The following SP140L variants were observed in gnomAD, a reference collection of about 807,000 sequenced individuals.
SP140L encodes SP140 like nuclear body protein.
SP140L carries 64 observed loss-of-function variants against 84.3 expected under a neutral mutation model. The observed-to-expected ratio is 0.76, with a 90% CI of 0.62 to 0.94. The LOEUF is 0.94. Ranked by LOEUF, SP140L falls within the 40% of genes least tolerant of loss-of-function variation. The probability of loss-of-function intolerance (pLI) is 0.00; values close to 1 mark genes in which losing one functional copy is unlikely to be tolerated. For synonymous variants in SP140L, 242 were observed against 236.9 expected (o/e 1.02, Z -0.20); for missense variants, 628 against 692.5 (o/e 0.91, Z 1.05).
chr2:230,357,825 A>C lies in SP140L; in HGVS notation c.128A>C (p.Asp43Ala), dbSNP rs2060594820. The C allele has an allele frequency of 1.2e-6, 2 of 1,612,648 alleles. No homozygotes were observed. The highest frequency in any genetic ancestry group is 2.7e-5 in the African/African-American group (2 of 74,840). ...SLQRLFTEDQ[D>A]VDEGLVYDTV... is the part of the protein sequence containing the mutation. ...CTTAGGCTGTTCACGGAAGACCAGG[A>C]TGTAGATGAGGGACTTGTCTATGAC... The change falls in exon 3 of 19, where the codon GAT becomes GCT. Residue 43 changes from aspartate to alanine, a missense_variant. Around this residue, in one of 4 missense-constraint regions of SP140L, gnomAD observed 525 missense variants for 518.4 expected, o/e 1.01. Transcript: ENST00000415673.
chr2:230,347,056 C>A (rs1008617776), intron 2 of SP140L, among the ~76,000 whole-genome samples: 1 of 152,164 alleles, frequency 6.6e-6, no homozygotes, highest in African/African-American at 2.4e-5. Context: ...GTCAGTGTTT[C>A]CTGGAGATCT....
At chr2:230,370,114 AT>A (rs778845531) in intron 5 of SP140L, among the ~76,000 whole-genome samples, 61 of 152,336 alleles carry the variant, frequency 4.0e-4, no homozygotes, top group South Asian at 1.2e-3. Flanking sequence ...TTCTGGAATG[AT>A]AAGAGCTTTT....
chr2:230,392,020 G>C (rs1411997954), intron 11 of SP140L, 67 bp from the exon 12 acceptor site: 2 of 1,599,400 alleles, frequency 1.3e-6, no homozygotes, highest in East Asian at 2.2e-5. Context: ...ATCCAATGTG[G>C]TGAGTGGCCA....
intron 12 of SP140L, 119 bp from the exon 13 acceptor site, chr2:230,393,295 C>A: frequency 9.1e-7 from 1 of 1,100,030 alleles, no homozygotes; most frequent in Non-Finnish European, 1.3e-6. Flanking sequence ...TTCAGACACA[C>A]TGGGTTTGAG....
At chr2:230,371,470 GAAGA>G in intron 6 of SP140L, 124 bp from the exon 7 acceptor site, 2 of 909,302 alleles carry the variant, frequency 2.2e-6, no homozygotes, top group East Asian at 2.7e-5. Context: ...GGTTCCTCTA[GAAGA>G]AAGAGAGAAA....
chr2:230,367,013 C>T (rs553074204), intron 5 of SP140L, among the ~76,000 whole-genome samples: 22 of 152,036 alleles, frequency 1.4e-4, no homozygotes, highest in Admixed American at 4.6e-4. Context: ...CAGGCGTGAG[C>T]CACCATGCCC....
At position 230,392,200 on chromosome 2, in the gene SP140L, G is replaced by T. The variant is rs1272750795; in HGVS notation, c.1078G>T (p.Gly360Cys). Reference sequence around the variant, plus strand: ...GAACTGGAGGCTGAGTGTGCGCTGTGGCGGGTGGCCCCTACGACGGCTGAT... The same window carrying T: ...GAACTGGAGGCTGAGTGTGCGCTGTTGCGGGTGGCCCCTACGACGGCTGAT... The part of the protein sequence containing the change: ...SKNWRLSVRC[G>C]GWPLRRLMEE... The change falls in exon 12 of 19, where the codon GGC (glycine) becomes TGC (cysteine). Residue 360 changes from glycine to cysteine, a missense_variant. Physicochemically the swap from Gly to Cys is radical, Grantham distance 159. Transcript: ENST00000415673. 3 of 1,614,084 alleles carry T rather than the reference G, an allele frequency of 1.9e-6. No individual in the cohort carries two copies. The highest frequency in any genetic ancestry group is 3.3e-5 in the Admixed American group (2 of 60,010).
At chr2:230,363,494 C>T (rs6761531) in intron 5 of SP140L, among the ~76,000 whole-genome samples, 40,471 of 150,224 alleles carry the variant, frequency 0.27, 7,613 homozygotes, top group East Asian at 0.57. Flanking sequence ...ATCCTTTGCC[C>T]ACTTTATAAT....
intron 2 of SP140L, among the ~76,000 whole-genome samples, chr2:230,330,096 G>C (rs1294812664): frequency 6.6e-6 from 1 of 152,116 alleles, no homozygotes; most frequent in African/African-American, 2.4e-5. Context: ...CATCTGGGCA[G>C]GCTCGACCAG....
intron 2 of SP140L, among the ~76,000 whole-genome samples, chr2:230,330,611 G>A (rs2059700339): frequency 6.6e-6 from 1 of 152,192 alleles, no homozygotes; most frequent in East Asian, 1.9e-4. Context: ...TCACGTATAT[G>A]ATTAGTTTAG....
chr2:230,337,254 G>A (rs1190835010), intron 2 of SP140L, among the ~76,000 whole-genome samples: 2 of 152,010 alleles, frequency 1.3e-5, no homozygotes, highest in Non-Finnish European at 2.9e-5. Context: ...GTGATGATGA[G>A]CATTTTTTCA....
intron 5 of SP140L, among the ~76,000 whole-genome samples, chr2:230,362,733 CG>C (rs2060756721): frequency 6.6e-6 from 1 of 152,250 alleles, no homozygotes; most frequent in African/African-American, 2.4e-5. Flanking sequence ...AAACCACTTA[CG>C]AAGTTTGCCT....
rs755080014 is a variant in SP140L at position 230,357,768 on chromosome 2, T to C, written c.108-37T>C. The C allele has an allele frequency of 1.7e-5, 27 of 1,583,888 alleles. No individual in the cohort carries two copies. The Admixed American group carries it at 4.8e-4, about 28-fold the overall frequency. On this transcript the variant is annotated intron_variant, in intron 2 of 18. Coordinates refer to ENST00000415673, the MANE Select transcript of SP140L (RefSeq NM_138402.6). ...CCATCTCCACAAACATCTCAGAATC[T>C]TGATGACCATTTTCATTTGGTGTCC...
At chr2:230,377,107 C>A (rs2061265235) in intron 7 of SP140L, among the ~76,000 whole-genome samples, 2 of 152,290 alleles carry the variant, frequency 1.3e-5, no homozygotes, top group South Asian at 4.1e-4. Flanking sequence ...TGATATGTAT[C>A]ATTTCCATCA....
At chr2:230,358,887 C>T (rs2060629463) in intron 3 of SP140L, 77 bp from the exon 4 acceptor site, 6 of 1,186,182 alleles carry the variant, frequency 5.1e-6, no homozygotes, top group Non-Finnish European at 7.1e-6. Flanking sequence ...AATTCAGTAA[C>T]CATAAAATTT....
intron 7 of SP140L, among the ~76,000 whole-genome samples, chr2:230,375,354 G>T (rs1209331789): frequency 6.6e-6 from 1 of 152,098 alleles, no homozygotes; most frequent in Non-Finnish European, 1.5e-5. Flanking sequence ...GAATTATGCT[G>T]CAATGAACAT....
chr2:230,392,046 G>A (rs760519081), intron 11 of SP140L, 41 bp from the exon 12 acceptor site: 15 of 1,612,080 alleles, frequency 9.3e-6, no homozygotes, highest in African/African-American at 1.3e-5. Context: ...TGAGCGCTGG[G>A]AACAAAGAGG....
rs1466757500 is a variant in SP140L, at chr2:230,362,723, A to T, written c.523+1026A>T. Among the ~76,000 whole-genome samples the T allele has an allele frequency of 2.0e-5, 3 of 152,224 alleles. No individual in the cohort carries two copies. The East Asian group carries it at 5.8e-4, about 29-fold the overall frequency. ...GCAGATAAGAAACTGAAATCTGGACAAACCACTTACGAAGTTTGCCTAGGG... is the reference window on the plus strand; with the variant it reads ...GCAGATAAGAAACTGAAATCTGGACTAACCACTTACGAAGTTTGCCTAGGG... On this transcript the variant is annotated intron_variant, in intron 5 of 18. Coordinates refer to ENST00000415673, the MANE Select transcript of SP140L (RefSeq NM_138402.6).
intron 2 of SP140L, among the ~76,000 whole-genome samples, chr2:230,329,248 C>T (rs1228954302): frequency 6.6e-6 from 1 of 152,166 alleles, no homozygotes; most frequent in Non-Finnish European, 1.5e-5. Flanking sequence ...GCCTTTGTTC[C>T]AGGAAAAGTT....
Sources: allele counts gnomAD v4.1 joint callset (sites outside exome capture counted in the v4.1 genomes callset), GRCh38; gene constraint gnomAD v4.1.1; regional missense constraint gnomAD v4.1.1; transcripts MANE v1.5; gene names NCBI Gene and HGNC (gene_info 2026-07-23, HGNC 2026-07-21).